The following THSD7B variants were observed in gnomAD, a reference collection of about 807,000 sequenced individuals.
THSD7B encodes thrombospondin type-1 domain-containing protein 7B.
Under a neutral mutation model 213.6 loss-of-function variants are expected in THSD7B, and 138 were observed. The observed-to-expected ratio is 0.65, with a 90% CI of 0.56 to 0.74. THSD7B has a LOEUF of 0.74. Among genes scored for constraint, THSD7B ranks in the 30% least tolerant of loss-of-function variants. THSD7B has a pLI of 0.00. For missense variants in THSD7B, 1,931 were observed against 1,991.5 expected (o/e 0.97, Z 0.58); for synonymous variants, 742 against 687.0 (o/e 1.08, Z -1.25).
rs778686727 is a variant in THSD7B, at chr2:136,800,343, TTGGCTTTGG to T, written c.-36+34657_-36+34665del. 1.5e-3 allele frequency among the ~76,000 whole-genome samples: 221 copies of T among 152,136 alleles called. 4 individuals carry two copies. In the Middle Eastern group the frequency reaches 0.02, roughly 14 times the overall value. On this transcript the variant is annotated intron_variant, in intron 1 of 27. Transcript: ENST00000409968. ...GCATCATATTAAGTAGTGTGGCTTC[TTGGCTTTGG>T]CTATCTGGACTTGGAACTGTATCTC...
At chr2:136,983,129 T>G (rs7573891) in intron 2 of THSD7B, among the ~76,000 whole-genome samples, 37,312 of 150,886 alleles carry the variant, frequency 0.25, 5,117 homozygotes, top group East Asian at 0.58. Context: ...CTGTGTAGAT[T>G]AACTTCTTGG....
chr2:136,929,398 A>C (rs1684593161), intron 2 of THSD7B, among the ~76,000 whole-genome samples: 1 of 152,208 alleles, frequency 6.6e-6, no homozygotes, highest in Non-Finnish European at 1.5e-5. Flanking sequence ...ATCAATCAAT[A>C]GTATTAAAGT....
intron 15 of THSD7B, among the ~76,000 whole-genome samples, chr2:137,494,267 C>T (rs1679508427): frequency 6.6e-6 from 1 of 152,086 alleles, no homozygotes; most frequent in Non-Finnish European, 1.5e-5. Context: ...ATTTCCTTAA[C>T]ATCTTCATTT....
At chr2:136,916,444 C>T (rs1387767266) in intron 2 of THSD7B, among the ~76,000 whole-genome samples, 3 of 152,122 alleles carry the variant, frequency 2.0e-5, no homozygotes. Context: ...CTTCCACCAG[C>T]AATGCAAAGG....
At chr2:137,411,914 C>T (rs776201622) in intron 14 of THSD7B, 42 bp downstream of exon 14, 21 of 1,604,826 alleles carry the variant, frequency 1.3e-5, no homozygotes, top group Admixed American at 1.7e-5. Context: ...AACACTCACA[C>T]ACAGCTCGGG....
intron 2 of THSD7B, among the ~76,000 whole-genome samples, chr2:136,905,036 G>A (rs1050824681): frequency 1.3e-5 from 2 of 152,162 alleles, no homozygotes; most frequent in African/African-American, 4.8e-5. Flanking sequence ...CACACTTACT[G>A]TGTAATGCGA....
rs191859980 is a variant in THSD7B, at chr2:137,657,253, G to T, written c.4375+93G>T. On this transcript the variant is annotated intron_variant, in intron 24 of 27. Transcript: ENST00000409968. ...ATTAGCTTACAAATTATAAACAAGG[G>T]GTGACTTGGGCAGGTAGCTTAGATG... 129 of 1,198,280 alleles carry T rather than the reference G, an allele frequency of 1.1e-4. No individual in the cohort carries two copies. In the East Asian group the frequency reaches 3.0e-3, roughly 27 times the overall value. The allele number at this position is 1,198,280 out of a possible 1,614,324, so 74.2% of individuals were successfully genotyped here.
chr2:137,063,646 C>G (rs1406994744), intron 3 of THSD7B, among the ~76,000 whole-genome samples: 7 of 106,562 alleles, frequency 6.6e-5, no homozygotes, highest in African/African-American at 3.6e-4. Context: ...TTACTGTGTG[C>G]CCATTAATCT....
At chr2:137,133,263 A>G (rs1688775028) in intron 5 of THSD7B, among the ~76,000 whole-genome samples, 1 of 152,206 alleles carries the variant, frequency 6.6e-6, no homozygotes, top group Non-Finnish European at 1.5e-5. Flanking sequence ...TCTATTTTAA[A>G]GCAACCTGAA....
At chr2:137,251,445 A>T (rs1682175746) in intron 10 of THSD7B, among the ~76,000 whole-genome samples, 1 of 152,188 alleles carries the variant, frequency 6.6e-6, no homozygotes, top group Admixed American at 6.5e-5. Flanking sequence ...AAACCTATTG[A>T]ATTGCTAATT....
intron 17 of THSD7B, among the ~76,000 whole-genome samples, chr2:137,595,457 C>T (rs1210948342): frequency 6.6e-6 from 1 of 151,870 alleles, no homozygotes; most frequent in African/African-American, 2.4e-5. Context: ...GTTCAAACAA[C>T]CCAGGGATAA....
chr2:136,982,620 G>A (rs1685601631), intron 2 of THSD7B, among the ~76,000 whole-genome samples: 1 of 152,184 alleles, frequency 6.6e-6, no homozygotes, highest in African/African-American at 2.4e-5. Context: ...TGTCTTGGGA[G>A]TCTAACCTAG....
chr2:136,946,441 G>A (rs1392413255), intron 2 of THSD7B, among the ~76,000 whole-genome samples: 3 of 152,168 alleles, frequency 2.0e-5, no homozygotes, highest in African/African-American at 7.2e-5. Flanking sequence ...TGGGGGTCAG[G>A]GACCCACTTG....
intron 15 of THSD7B, among the ~76,000 whole-genome samples, chr2:137,462,478 T>C (rs1687904407): frequency 6.6e-6 from 1 of 152,046 alleles, no homozygotes; most frequent in Non-Finnish European, 1.5e-5. Flanking sequence ...AGCCAATCAC[T>C]AACCAATGCT....
At chr2:136,935,553 A>G (rs892025967) in intron 2 of THSD7B, among the ~76,000 whole-genome samples, 5 of 152,188 alleles carry the variant, frequency 3.3e-5, no homozygotes, top group African/African-American at 4.8e-5. Flanking sequence ...TATCAACACA[A>G]TGGGTGAGTT....
chr2:137,328,254 A>C (rs910430783), intron 12 of THSD7B, among the ~76,000 whole-genome samples: 2 of 152,204 alleles, frequency 1.3e-5, no homozygotes, highest in African/African-American at 4.8e-5. Flanking sequence ...TTCTCTACTA[A>C]AAATTTGGCA....
At chr2:136,823,464 C>T (rs1315278140) in intron 1 of THSD7B, among the ~76,000 whole-genome samples, 1 of 152,154 alleles carries the variant, frequency 6.6e-6, no homozygotes, top group Admixed American at 6.6e-5. Flanking sequence ...ATCGGTTAAC[C>T]TTTTCTCCCC....
intron 15 of THSD7B, among the ~76,000 whole-genome samples, chr2:137,530,615 G>A (rs1680378564): frequency 6.6e-6 from 1 of 151,918 alleles, no homozygotes; most frequent in Non-Finnish European, 1.5e-5. Flanking sequence ...ACTGTGAAGG[G>A]CACACAACTG....
intron 20 of THSD7B, among the ~76,000 whole-genome samples, chr2:137,641,309 C>T (rs745845347): frequency 1.2e-4 from 18 of 152,178 alleles, no homozygotes; most frequent in African/African-American, 2.4e-4. Flanking sequence ...CTCTGTGTGG[C>T]GTACTCTCTC....
Sources: gnomAD v4.1 joint callset for allele counts (sites outside exome capture counted in the v4.1 genomes callset) on GRCh38, gnomAD v4.1.1 for gene constraint, MANE v1.5 for transcripts, NCBI Gene and HGNC (gene_info 2026-07-23, HGNC 2026-07-21) for gene names.